C4BPA: variants seen among roughly 807,000 people sequenced by gnomAD.
C4BPA encodes the protein C4b-binding protein alpha chain.
Under a neutral mutation model 63.7 loss-of-function variants are expected in C4BPA, and 31 were observed. The observed-to-expected ratio is 0.49, with a 90% CI of 0.37 to 0.66. The LOEUF (loss-of-function observed/expected upper bound fraction) is 0.66. C4BPA is among the 30% of genes least tolerant of loss of function. C4BPA has a pLI of 0.00. For synonymous variants in C4BPA, 259 were observed against 254.7 expected, an observed-to-expected ratio of 1.02 and a Z score of -0.16; for missense variants, 572 against 723.3, an observed-to-expected ratio of 0.79 and a Z score of 2.40.
chr1:207,108,168 A>G (rs1285476162), intron 1 of C4BPA, among the ~76,000 whole-genome samples: 2 of 152,218 alleles, frequency 1.3e-5, no homozygotes, highest in Non-Finnish European at 2.9e-5. Flanking sequence ...GAAATCTAAC[A>G]GAGTCAAAAA....
intron 10 of C4BPA, among the ~76,000 whole-genome samples, chr1:207,142,544 A>C (rs575711421): frequency 6.6e-6 from 1 of 152,200 alleles, no homozygotes; most frequent in African/African-American, 2.4e-5. Context: ...AACAGTGTAA[A>C]AGCATTCCTA....
At chr1:207,128,054 A>G (rs1026960974) in intron 7 of C4BPA, among the ~76,000 whole-genome samples, 11 of 152,246 alleles carry the variant, frequency 7.2e-5, no homozygotes, top group Middle Eastern at 3.4e-3. Flanking sequence ...GGGAGGATCT[A>G]AGTGGGGCAG....
intron 9 of C4BPA, among the ~76,000 whole-genome samples, chr1:207,137,471 C>T (rs911319397): frequency 2.6e-5 from 4 of 151,904 alleles, no homozygotes; most frequent in East Asian, 1.9e-4. Context: ...AAAGTGGTGT[C>T]GGGGAAGGAG....
At chr1:207,143,705 G>T in intron 10 of C4BPA, 113 bp from the exon 11 acceptor site, 1 of 744,558 alleles carries the variant, frequency 1.3e-6, no homozygotes. Flanking sequence ...CAAATGAAGA[G>T]AAAGATAGAA....
chr1:207,143,331 G>C (rs998657909), intron 10 of C4BPA, among the ~76,000 whole-genome samples: 1 of 150,040 alleles, frequency 6.7e-6, no homozygotes, highest in African/African-American at 2.5e-5. Flanking sequence ...ACTGGGGCCT[G>C]TCAGGGGGTG....
At chr1:207,111,970 A>G (rs1441839216) in intron 1 of C4BPA, among the ~76,000 whole-genome samples, 2 of 152,142 alleles carry the variant, frequency 1.3e-5, no homozygotes, top group African/African-American at 4.8e-5. Flanking sequence ...GAGATTTCTT[A>G]AAAAACTAAA....
chr1:207,126,616 A>C (rs1685049396), intron 6 of C4BPA, 97 bp from the exon 7 acceptor site: 1 of 825,658 alleles, frequency 1.2e-6, no homozygotes, highest in Non-Finnish European at 1.9e-6. Flanking sequence ...TTCAACAGGC[A>C]TTTGTGTTGC....
chr1:207,109,234 T>G (rs78036015), intron 1 of C4BPA, among the ~76,000 whole-genome samples: 1 of 152,170 alleles, frequency 6.6e-6, no homozygotes, highest in South Asian at 2.1e-4. Flanking sequence ...GATGCTCCTC[T>G]GCACTGGGGT....
Position 207,135,343 on chromosome 1 carries a change from G to GA in C4BPA, c.1273+761dup, listed in dbSNP as rs373480285. 9.7e-4 allele frequency among the ~76,000 whole-genome samples: 141 copies of GA among 145,940 alleles called. 1 individual carries two copies. Among genetic ancestry groups the GA allele is most frequent in the Middle Eastern group, 7.0e-3 (2 of 286 alleles). ...ACAGAGCGAGAATTTGTCCCAAAAA[G>GA]AAAAAAAAAAGGCTCAAGTGTTAAT... is the stretch of plus-strand genomic sequence containing the variant. On this transcript the variant is annotated intron_variant, in intron 9 of 11. Coordinates refer to ENST00000367070, the MANE Select transcript of C4BPA (RefSeq NM_000715.4).
At chr1:207,123,101 T>C (rs144933999) in intron 4 of C4BPA, among the ~76,000 whole-genome samples, 1,614 of 152,328 alleles carry the variant, frequency 0.011, 42 homozygotes, top group Admixed American at 0.058. Flanking sequence ...AAGATGCTGT[T>C]GAAACACTAA....
intron 7 of C4BPA, among the ~76,000 whole-genome samples, chr1:207,129,478 T>C (rs1369970029): frequency 1.3e-5 from 2 of 149,412 alleles, no homozygotes; most frequent in African/African-American, 4.9e-5. Context: ...AAGAAGCTTG[T>C]TGAACTCAAG....
Position 207,139,483 on chromosome 1 carries a change from G to C in C4BPA, c.1274-1623G>C, listed in dbSNP as rs12082993. The stretch of plus-strand genomic sequence containing the variant: ...ATTTGCCTTGGGGAGAGGGTGAGAT[G>C]GGTGGACAGTAGCAATTGCTTTCAC... On this transcript the variant is annotated intron_variant, in intron 9 of 11. Transcript: ENST00000367070. Among the ~76,000 whole-genome samples, 747 of 152,218 alleles carry C rather than the reference G, an allele frequency of 4.9e-3. 9 individuals are homozygous for C. Among genetic ancestry groups the C allele is most frequent in the African/African-American group, 0.018 (727 of 41,542 alleles).
intron 3 of C4BPA, 143 bp downstream of exon 3, chr1:207,114,428 G>A: frequency 1.0e-4 from 35 of 351,588 alleles, no homozygotes; most frequent in Non-Finnish European, 1.3e-4. Context: ...GGCATTTTTT[G>A]AAAAAGCAAA....
chr1:207,126,939 G>A (rs533412308), intron 7 of C4BPA, 44 bp downstream of exon 7: 2 of 1,506,268 alleles, frequency 1.3e-6, no homozygotes, highest in South Asian at 1.2e-5. Context: ...GGCATCTAAA[G>A]GTACCCCGTA....
chr1:207,119,243 C>T lies in C4BPA; in HGVS notation c.428+3728C>T. Among the ~76,000 whole-genome samples, 2 of 92,474 alleles carry T rather than the reference C, an allele frequency of 2.2e-5. 1 individual carries two copies. The highest frequency in any genetic ancestry group is 6.0e-5 in the African/African-American group (2 of 33,110). The allele number at this position is 92,474 out of a possible 152,430, so 60.7% of individuals were successfully genotyped here. A position where few individuals can be genotyped will look rare whatever the true frequency, so the allele number is the denominator to read the frequency against. On this transcript the variant is annotated intron_variant, in intron 4 of 11. Transcript: ENST00000367070. Reference sequence around the variant, plus strand: ...GGCTCTGCTGTGGCCTGGTTGAGCCCTCTACTAACAAAGTGATAGAACAGA... The same window carrying T: ...GGCTCTGCTGTGGCCTGGTTGAGCCTTCTACTAACAAAGTGATAGAACAGA...
intron 1 of C4BPA, among the ~76,000 whole-genome samples, chr1:207,112,469 C>T (rs1684690434): frequency 6.6e-6 from 1 of 151,726 alleles, no homozygotes; most frequent in Non-Finnish European, 1.5e-5. Context: ...TTCCTCTAAT[C>T]CCTTTAATTT....
At chr1:207,142,498 G>A (rs888681613) in intron 10 of C4BPA, among the ~76,000 whole-genome samples, 16 of 152,138 alleles carry the variant, frequency 1.1e-4, no homozygotes, top group Non-Finnish European at 2.2e-4. Context: ...TTGCCACACT[G>A]TTTTCCACAA....
intron 9 of C4BPA, among the ~76,000 whole-genome samples, chr1:207,139,314 G>T (rs1451917512): frequency 6.6e-6 from 1 of 152,122 alleles, no homozygotes; most frequent in Non-Finnish European, 1.5e-5. Flanking sequence ...TCTAATTTTT[G>T]TAGTAGACAG....
chr1:207,141,832 G>A (rs1232833035), intron 10 of C4BPA, among the ~76,000 whole-genome samples: 2 of 152,084 alleles, frequency 1.3e-5, no homozygotes, highest in South Asian at 2.1e-4. Context: ...GAAGTTTGCT[G>A]TCAACATGCA....
Sources: gnomAD v4.1 joint callset for allele counts (sites outside exome capture counted in the v4.1 genomes callset) on GRCh38, gnomAD v4.1.1 for gene constraint, MANE v1.5 for transcripts, NCBI Gene and HGNC (gene_info 2026-07-23, HGNC 2026-07-21) for gene names.